Variants in PTPRN observed in about 807,000 individuals in gnomAD.
PTPRN encodes protein tyrosine phosphatase receptor type N.
Under a neutral mutation model 108.5 loss-of-function variants are expected in PTPRN, and 70 were observed. That is an observed-to-expected ratio of 0.65 (90% confidence interval 0.53 to 0.79). The LOEUF (loss-of-function observed/expected upper bound fraction) is 0.79. Among genes scored for constraint, PTPRN ranks in the 30% least tolerant of loss-of-function variants. The pLI is 0.00. For missense variants in PTPRN, 1,136 were observed against 1,295.5 expected (o/e 0.88, Z 1.89); for synonymous variants, 496 against 524.6 (o/e 0.95, Z 0.75).
chr2:219,292,937 AAC>A (rs1952084090), intron 19 of PTPRN: 1 of 151,998 alleles, frequency 6.6e-6, no homozygotes, highest in Admixed American at 6.6e-5. Context: ...TCTGAGGGGG[AAC>A]AGTTTCATCC....
chr2:219,308,184 T>C, intron 1 of PTPRN: 1 of 305,262 alleles, frequency 3.3e-6, no homozygotes, highest in Non-Finnish European at 6.2e-6. Flanking sequence ...TTCCCAAATA[T>C]GGAAAAGCAT....
chr2:219,302,110 G>A, intron 6 of PTPRN, 27 bp downstream of exon 6: 2 of 1,532,492 alleles, frequency 1.3e-6, no homozygotes, highest in South Asian at 1.3e-5. Context: ...GCCCTCACAG[G>A]GAGGTGGATG....
chr2:219,297,082 C>T lies in PTPRN; in HGVS notation c.2139G>A (p.Trp713Ter). ...LRNRDRLAKEWQALCAYQAEP... is the reference protein window; with the variant it reads ...LRNRDRLAKE ...CTGCTTGGTAGGCACAGAGGGCCTG[C>T]CACTCCTTGGCAAGGCGGTCCCGGT... The change falls in exon 15 of 23, where the codon TGG (tryptophan) becomes TGA (stop). Residue 713 changes from tryptophan to a stop codon, truncating the protein, a stop_gained. Transcript: ENST00000295718. LOFTEE classifies it high-confidence loss of function. The surrounding 1 kb of genome is among the most constrained non-coding windows in gnomAD (Gnocchi z 6.0). 6.2e-7 allele frequency: 1 copy of T among 1,614,140 alleles called. No individual in the cohort carries two copies.
intron 19 of PTPRN, 175 bp from the exon 20 acceptor site, chr2:219,291,698 G>C: frequency 3.0e-6 from 2 of 662,030 alleles, no homozygotes; most frequent in South Asian, 3.8e-5. Context: ...GAGCTGGTGT[G>C]GGTGGCATTG....
At chr2:219,298,237 G>A (rs12105638) in intron 12 of PTPRN, 134 bp from the exon 13 acceptor site, 73,967 of 823,208 alleles carry the variant, frequency 0.09, 3,682 homozygotes, top group South Asian at 0.11. Context: ...GGGGTATGGT[G>A]GTACAGCCAG....
intron 7 of PTPRN, 86 bp downstream of exon 7, chr2:219,301,502 A>G (rs1952344904): frequency 1.3e-6 from 2 of 1,498,078 alleles, no homozygotes; most frequent in Non-Finnish European, 9.1e-7. Context: ...CTTCCTCTCC[A>G]GGCTACTCCA....
intron 3 of PTPRN, 31 bp downstream of exon 3, chr2:219,307,413 A>G (rs751103137): frequency 8.6e-5 from 135 of 1,576,348 alleles, no homozygotes; most frequent in Non-Finnish European, 1.1e-4. Flanking sequence ...CCAAGTTCCA[A>G]TCTCTCTCCT....
intron 7 of PTPRN, among the ~76,000 whole-genome samples, chr2:219,301,204 C>T (rs1357369752): frequency 3.3e-5 from 5 of 152,212 alleles, no homozygotes; most frequent in African/African-American, 9.7e-5. Context: ...CTACCATTGG[C>T]CATCTCTCTC....
chr2:219,309,068 C>A, intron 1 of PTPRN, 150 bp downstream of exon 1: 3 of 1,526,534 alleles, frequency 2.0e-6, no homozygotes, highest in South Asian at 2.4e-5. Context: ...CTCCGAGACG[C>A]CCTCTCACCT....
intron 3 of PTPRN, chr2:219,304,165 C>T (rs1952426459): frequency 5.5e-6 from 1 of 181,126 alleles, no homozygotes; most frequent in Admixed American, 5.5e-5. Context: ...AACACATATA[C>T]ATATCAAACG....
At chr2:219,301,485 C>G in intron 7 of PTPRN, 103 bp downstream of exon 7, 4 of 1,447,888 alleles carry the variant, frequency 2.8e-6, no homozygotes, top group Non-Finnish European at 3.7e-6. Flanking sequence ...TCCCCTGAAG[C>G]CTGACTCTTC....
chr2:219,296,470 G>A lies in PTPRN; in HGVS notation c.2357C>T (p.Pro786Leu), dbSNP rs768542056. Residue 786 changes from proline to leucine, a missense_variant, in exon 17 of 23, where the codon CCG becomes CTG. Transcript: ENST00000295718. This position sits in a 1 kb window ranked among gnomAD's most constrained non-coding sequence, Gnocchi z 6.0. ...GAAGTCTGCGATGGTATGGGACAGC[G>A]GGCCCTGCGTGGCTATGTAGGCTGG... ...RMPAYIATQG[P>L]LSHTIADFWQ... 13 of 1,614,164 alleles carry A rather than the reference G, an allele frequency of 8.1e-6. No individual in the cohort carries two copies. Among genetic ancestry groups the A allele is most frequent in the South Asian group, 1.1e-5 (1 of 91,076 alleles).
Position 219,303,785 on chromosome 2 carries a change from C to T in PTPRN, c.327G>A (p.Glu109=). 1 of 1,614,076 alleles carries T rather than the reference C, an allele frequency of 6.2e-7. No homozygotes were observed. The part of the protein sequence containing the change: ...DDLTQYVISQ[E]MERIPRLRPP... The stretch of plus-strand genomic sequence containing the variant: ...GGCGAAGCCTGGGGATGCGCTCCAT[C>T]TCCTGAGAGATCACATACTGGGTGA... The change falls in exon 4 of 23, where the codon GAG becomes GAA. Residue 109 remains glutamate (E), a synonymous_variant. Transcript: ENST00000295718.
In PTPRN at chr2:219,296,774, C is replaced by T. The variant is rs142244541; in HGVS notation, c.2285G>A (p.Ser762Asn). Residue 762 changes from serine to asparagine, a missense_variant, in exon 16 of 23, where the codon AGC (serine) becomes AAC (asparagine). Transcript: ENST00000295718. This position sits in a 1 kb window ranked among gnomAD's most constrained non-coding sequence, Gnocchi z 6.0. Reference protein sequence around the residue: ...KLKVESSPSRSDYINASPIIE... With the variant: ...KLKVESSPSRNDYINASPIIE... ...AATGGGGCTGGCGTTGATGTAATCG[C>T]TCCGAGAAGGGCTGCTCTCCACCTT... 3 of 1,613,920 alleles carry T rather than the reference C, an allele frequency of 1.9e-6. No homozygotes were observed. The highest frequency in any genetic ancestry group is 2.7e-5 in the African/African-American group (2 of 74,862).
chr2:219,308,113 A>G, intron 1 of PTPRN: 1 of 463,300 alleles, frequency 2.2e-6, no homozygotes, highest in Non-Finnish European at 3.8e-6. Context: ...AGGTGCAGGG[A>G]GAGAGATTCA....
intron 19 of PTPRN, among the ~76,000 whole-genome samples, chr2:219,294,688 G>T (rs1952136869): frequency 6.6e-6 from 1 of 152,064 alleles, no homozygotes; most frequent in Non-Finnish European, 1.5e-5. Flanking sequence ...CCCTCTGGAG[G>T]AAGCAGGTGG....
intron 8 of PTPRN, 135 bp from the exon 9 acceptor site, chr2:219,300,394 T>C (rs780928680): frequency 1.2e-5 from 10 of 869,020 alleles, no homozygotes; most frequent in African/African-American, 1.7e-5. Flanking sequence ...CAGTGCTGGG[T>C]ACAGAGAGGA....
intron 10 of PTPRN, 146 bp downstream of exon 10, chr2:219,299,554 G>A: frequency 8.8e-7 from 1 of 1,136,090 alleles, no homozygotes; most frequent in Non-Finnish European, 1.3e-6. Context: ...GCAACGGGCT[G>A]GGTGTGGCTG....
intron 19 of PTPRN, chr2:219,294,024 T>C (rs560356020): frequency 1.4e-5 from 7 of 484,128 alleles, no homozygotes; most frequent in Admixed American, 1.3e-4. Context: ...CCCACACTCC[T>C]TTCGACAGTC....
Sources: gnomAD v4.1 joint callset for allele counts (sites outside exome capture counted in the v4.1 genomes callset) on GRCh38, gnomAD v4.1.1 for gene constraint, Gnocchi (gnomAD v3.1) non-coding constraint, MANE v1.5 for transcripts, NCBI Gene and HGNC (gene_info 2026-07-23, HGNC 2026-07-21) for gene names.